The following WDPCP variants were observed in gnomAD, a reference collection of about 807,000 sequenced individuals.
WDPCP encodes WD repeat-containing and planar cell polarity effector protein fritz homolog.
A neutral mutation model predicts 93.1 loss-of-function variants in WDPCP; 71 were observed. The ratio of observed to expected loss-of-function variants is 0.76; its 90% CI spans 0.63 to 0.93. The LOEUF (loss-of-function observed/expected upper bound fraction) is 0.93, where lower values mean the gene tolerates loss of function less well. WDPCP is among the 40% of genes least tolerant of loss of function. The pLI, the probability that WDPCP is intolerant of heterozygous loss-of-function variation, is 0.00. For missense variants in WDPCP, 844 were observed against 887.4 expected (o/e 0.95, Z 0.62); for synonymous variants, 315 against 315.0 (o/e 1.00, Z 0.00).
chr2:63,832,157 T>G (rs1671212574), upstream of WDPCP, among the ~76,000 whole-genome samples: 1 of 152,244 alleles, frequency 6.6e-6, no homozygotes. Context: ...GAGAGCTGGA[T>G]AGCCTAAGAT....
chr2:63,484,958 T>C lies in WDPCP; in HGVS notation c.283A>G (p.Arg95Gly). ...GAGTCTCGGAGTTTTTCTGGGCGTC[T>C]GTTTTTGAGCGTCCAAGGATAATCT... ...SRDYPWTLKN[R>G]RPEKLRDSLK... is the part of the protein sequence containing the mutation. Residue 95 changes from arginine to glycine, a missense_variant, in exon 5 of 18, where the codon AGA becomes GGA. Arg to Gly is a moderately radical substitution (Grantham distance 125). Transcript: ENST00000272321. 1 of 1,612,684 alleles carries C rather than the reference T, an allele frequency of 6.2e-7. No individual in the cohort carries two copies. Among genetic ancestry groups the C allele is most frequent in the Non-Finnish European group, 8.5e-7 (1 of 1,179,072 alleles).
intron 10 of WDPCP, among the ~76,000 whole-genome samples, chr2:63,390,360 A>T (rs1280979103): frequency 6.6e-6 from 1 of 152,218 alleles, no homozygotes; most frequent in Non-Finnish European, 1.5e-5. Context: ...AACGAGAACA[A>T]AGACACAATG....
At chr2:63,321,000 A>C (rs1448852201) in intron 12 of WDPCP, among the ~76,000 whole-genome samples, 1 of 152,112 alleles carries the variant, frequency 6.6e-6, no homozygotes, top group Non-Finnish European at 1.5e-5. Context: ...AAATATGAAA[A>C]GGCTAGAATG....
At chr2:63,161,867 G>A (rs1158657384) in intron 15 of WDPCP, among the ~76,000 whole-genome samples, 5 of 151,696 alleles carry the variant, frequency 3.3e-5, no homozygotes, top group African/African-American at 1.2e-4. Context: ...GTGTTCAAGC[G>A]ATTCTCCTGC....
intron 15 of WDPCP, among the ~76,000 whole-genome samples, chr2:63,161,461 G>A (rs921731280): frequency 6.6e-6 from 1 of 152,172 alleles, no homozygotes; most frequent in Admixed American, 6.5e-5. Flanking sequence ...CAAAGAAATA[G>A]TGAAAAGGAC....
rs146659264 is a variant in WDPCP, at chr2:63,236,599, G to A, written c.1915+22708C>T. Among the ~76,000 whole-genome samples the A allele has an allele frequency of 5.2e-3, 787 of 152,168 alleles. 10 individuals carry two copies. Among genetic ancestry groups the A allele is most frequent in the African/African-American group, 0.017 (726 of 41,548 alleles). ...ACGACATTACAAGACTGCAGTAACC[G>A]AAACAGCATGGTACTGGTACAAAAA... On this transcript the variant is annotated intron_variant, in intron 14 of 17. Transcript: ENST00000272321.
At chr2:63,466,048 A>C (rs1389407848) in intron 6 of WDPCP, among the ~76,000 whole-genome samples, 1 of 152,174 alleles carries the variant, frequency 6.6e-6, no homozygotes, top group Non-Finnish European at 1.5e-5. Flanking sequence ...TGGCTCAGAT[A>C]AAACAAGGGA....
intron 13 of WDPCP, among the ~76,000 whole-genome samples, chr2:63,285,488 T>C (rs1683927073): frequency 6.9e-6 from 1 of 145,930 alleles, no homozygotes; most frequent in South Asian, 2.2e-4. Context: ...TTGTACTAGA[T>C]GAAAAAGCAG....
chr2:63,543,065 T>C (rs568842072), intron 1 of WDPCP, among the ~76,000 whole-genome samples: 65 of 152,298 alleles, frequency 4.3e-4, no homozygotes, highest in Middle Eastern at 3.4e-3. Context: ...GTGAAAGAAT[T>C]TCATAAAACA....
intron 2 of WDPCP, among the ~76,000 whole-genome samples, chr2:63,723,287 AT>A (rs1035060678): frequency 6.6e-5 from 9 of 136,930 alleles, no homozygotes; most frequent in Admixed American, 4.3e-4. Context: ...TCAATAAAAA[AT>A]TAAAAAAAAA....
chr2:63,221,992 C>T (rs1006583548), intron 14 of WDPCP, among the ~76,000 whole-genome samples: 6 of 152,078 alleles, frequency 3.9e-5, no homozygotes, highest in African/African-American at 9.7e-5. Context: ...GATCCTTTCC[C>T]ATAGTTGGAG....
intron 2 of WDPCP, among the ~76,000 whole-genome samples, chr2:63,806,909 T>G (rs1030024330): frequency 1.3e-5 from 2 of 152,144 alleles, no homozygotes; most frequent in Admixed American, 6.5e-5. Context: ...CAAACACACA[T>G]GCTGTACAAT....
chr2:63,446,350 G>GTGTT (rs1330432070), intron 6 of WDPCP, among the ~76,000 whole-genome samples: 8 of 152,186 alleles, frequency 5.3e-5, no homozygotes, highest in Non-Finnish European at 8.8e-5. Flanking sequence ...AACTGTGCAT[G>GTGTT]TGTTCTCAAC....
At position 63,523,554 on chromosome 2, in the gene WDPCP, T is replaced by A. The variant is rs562289578; in HGVS notation, c.76-30614A>T. On this transcript the variant is annotated intron_variant, in intron 1 of 17. Transcript: ENST00000272321. ...TGATATGATTCTATACCTAGAAAAC[T>A]CCATGGTCCCTGCCCAAAAGCTCCT... 9.2e-5 allele frequency among the ~76,000 whole-genome samples: 14 copies of A among 152,272 alleles called. 1 individual carries two copies. In the South Asian group the frequency reaches 2.9e-3, roughly 32 times the overall value.
At position 63,144,304 on chromosome 2, in the gene WDPCP, G is replaced by A. The variant is rs150789210; in HGVS notation, c.2190+8610C>T. On this transcript the variant is annotated intron_variant, in intron 17 of 17. Transcript: ENST00000272321. ...ATTTTATTTTATTTTATTTTGAGAC[G>A]GAGTCTCGCCCTGTCACCCAGGCTG... Among the ~76,000 whole-genome samples the A allele has an allele frequency of 4.0e-3, 598 of 148,364 alleles. 2 individuals are homozygous for A. Among genetic ancestry groups the A allele is most frequent in the Middle Eastern group, 0.017 (5 of 292 alleles).
At chr2:63,504,880 A>G (rs577804549) in intron 1 of WDPCP, among the ~76,000 whole-genome samples, 63 of 152,218 alleles carry the variant, frequency 4.1e-4, no homozygotes, top group African/African-American at 1.4e-3. Context: ...CTTATGCCCT[A>G]AAGAATCTTC....
intron 1 of WDPCP, among the ~76,000 whole-genome samples, chr2:63,824,510 T>C (rs904915229): frequency 8.4e-6 from 1 of 118,904 alleles, no homozygotes; most frequent in Non-Finnish European, 1.6e-5. Flanking sequence ...ATCACGCCAC[T>C]GCACTCCAGC....
At chr2:63,538,573 C>CA (rs1479294165) in intron 1 of WDPCP, among the ~76,000 whole-genome samples, 3 of 152,090 alleles carry the variant, frequency 2.0e-5, no homozygotes, top group African/African-American at 4.8e-5. Flanking sequence ...TAACTTTTAG[C>CA]ATATACTAAC....
intron 1 of WDPCP, among the ~76,000 whole-genome samples, chr2:63,550,576 T>C (rs1257450832): frequency 6.6e-6 from 1 of 151,816 alleles, no homozygotes; most frequent in East Asian, 1.9e-4. Flanking sequence ...CTAATATTCC[T>C]CAAAATTCTG....
Sources: gnomAD v4.1 joint callset for allele counts (sites outside exome capture counted in the v4.1 genomes callset) on GRCh38, gnomAD v4.1.1 for gene constraint, MANE v1.5 for transcripts, NCBI Gene and HGNC (gene_info 2026-07-23, HGNC 2026-07-21) for gene names.